LMTK2: variants seen among roughly 807,000 people sequenced by gnomAD.
The protein encoded by LMTK2 is serine/threonine-protein kinase LMTK2.
In LMTK2, 37 loss-of-function variants were observed where a neutral mutation model predicts 127.5. The ratio of observed to expected loss-of-function variants is 0.29; its 90% CI spans 0.22 to 0.38. The LOEUF is 0.38. LMTK2 is among the 10% of genes least tolerant of loss of function. The pLI, the probability that LMTK2 is intolerant of heterozygous loss-of-function variation, is 1.00. For missense variants in LMTK2, 1,694 were observed against 1,920.3 expected (o/e 0.88, Z 2.20); for synonymous variants, 819 against 810.1 (o/e 1.01, Z -0.19).
chr7:98,121,439 C>T (rs552079703), intron 1 of LMTK2, among the ~76,000 whole-genome samples: 2 of 149,408 alleles, frequency 1.3e-5, no homozygotes, highest in African/African-American at 2.5e-5. Flanking sequence ...CCATCCTGGC[C>T]AACATGGTGA....
intron 13 of LMTK2, among the ~76,000 whole-genome samples, chr7:98,204,480 T>C (rs1434272797): frequency 6.6e-6 from 1 of 151,656 alleles, no homozygotes; most frequent in Non-Finnish European, 1.5e-5. Context: ...ACTAAAAAAT[T>C]AGCTGGATGT....
intron 2 of LMTK2, among the ~76,000 whole-genome samples, chr7:98,138,709 A>C (rs1203149419): frequency 6.6e-6 from 1 of 152,214 alleles, no homozygotes; most frequent in African/African-American, 2.4e-5. Context: ...CAGGACAAAG[A>C]TAAAGCCTGA....
At chr7:98,157,290 TAG>T (rs1351156910) in intron 5 of LMTK2, among the ~76,000 whole-genome samples, 3 of 150,140 alleles carry the variant, frequency 2.0e-5, no homozygotes, top group Non-Finnish European at 3.0e-5. Context: ...GGTAGGTAGG[TAG>T]GTAGGTAGAT....
intron 3 of LMTK2, among the ~76,000 whole-genome samples, chr7:98,144,881 C>T (rs914503865): frequency 6.6e-6 from 1 of 151,812 alleles, no homozygotes; most frequent in Non-Finnish European, 1.5e-5. Flanking sequence ...TAGGTTCGTA[C>T]TATGTAGATT....
chr7:98,155,483 C>G (rs1796913966), intron 5 of LMTK2, among the ~76,000 whole-genome samples: 1 of 152,098 alleles, frequency 6.6e-6, no homozygotes, highest in Non-Finnish European at 1.5e-5. Context: ...CCAAGGAAAT[C>G]CATGCCAAGA....
chr7:98,171,009 G>A lies in LMTK2; in HGVS notation c.658-532G>A, dbSNP rs2116422752. On this transcript the variant is annotated intron_variant, in intron 6 of 13. Coordinates refer to ENST00000297293, the MANE Select transcript of LMTK2 (RefSeq NM_014916.4). The surrounding 1 kb of genome is among the most constrained non-coding windows in gnomAD (Gnocchi z 5.1). ...CCGTCTCAGGATAGCCCAGGGTCCT[G>A]GGGAAGCTGGGGGAGACCTGAAACA... 6.6e-6 allele frequency among the ~76,000 whole-genome samples: 1 copy of A among 152,258 alleles called. No individual in the cohort carries two copies. The highest frequency in any genetic ancestry group is 1.9e-4 in the East Asian group (1 of 5,170).
chr7:98,201,683 C>T (rs1321287059), intron 11 of LMTK2, among the ~76,000 whole-genome samples: 13 of 152,112 alleles, frequency 8.5e-5, no homozygotes, highest in Non-Finnish European at 8.8e-5. Context: ...GATCATAGGT[C>T]ACTGCACCCT....
At position 98,205,628 on chromosome 7, in the gene LMTK2, G is replaced by A. The variant is rs952397435; in HGVS notation, c.*136G>A. ...GAGGAAGAATCCAGAGGTGAAGAGGGAGACGGCTCTTAGCTGCGTTCAAGG... is the reference window on the plus strand; with the variant it reads ...GAGGAAGAATCCAGAGGTGAAGAGGAAGACGGCTCTTAGCTGCGTTCAAGG... On this transcript the variant is annotated 3_prime_UTR_variant, in exon 14 of 14. Transcript: ENST00000297293. 4.3e-5 allele frequency: 41 copies of A among 959,528 alleles called. No homozygotes were observed. The African/African-American group carries it at 4.8e-4, about 11-fold the overall frequency. 59.4% of individuals were successfully genotyped at this position (959,528 alleles called of 1,614,324 possible). A position where few individuals can be genotyped will look rare whatever the true frequency, so the allele number is the denominator to read the frequency against.
In LMTK2 at chr7:98,191,671, T is replaced by C. The variant is rs144878389; in HGVS notation, c.1206T>C (p.Asp402=). ...LSPEKRPAAE[D]VHRLLTYLRL... ...CAGAAAAGAGACCCGCGGCTGAAGA[T>C]GTGCACAGGCTGCTGACTTACCTGC... Residue 402 remains aspartate, a synonymous_variant, in exon 11 of 14, where the codon GAT becomes GAC. Transcript: ENST00000297293. 62 of 1,613,882 alleles carry C rather than the reference T, an allele frequency of 3.8e-5. No individual in the cohort carries two copies. In the African/African-American group the frequency reaches 7.2e-4, roughly 19 times the overall value.
Position 98,193,440 on chromosome 7 carries a change from C to T in LMTK2, c.2975C>T (p.Pro992Leu), listed in dbSNP as rs534954208. 6 of 1,614,032 alleles carry T rather than the reference C, an allele frequency of 3.7e-6. No individual in the cohort carries two copies. The highest frequency in any genetic ancestry group is 3.4e-6 in the Non-Finnish European group (4 of 1,180,028). The change falls in exon 11 of 14, where the codon CCG (proline) becomes CTG (leucine). Residue 992 changes from proline to leucine, a missense_variant. Physicochemically the swap from Pro to Leu is moderately conservative, Grantham distance 98. Coordinates refer to ENST00000297293, the MANE Select transcript of LMTK2 (RefSeq NM_014916.4). The surrounding 1 kb of genome is among the most constrained non-coding windows in gnomAD (Gnocchi z 4.1). ...SLSAPFPASEPSLETPDSLES... is the reference protein window; with the variant it reads ...SLSAPFPASELSLETPDSLES... ...TCAGCACCCTTCCCAGCCTCTGAGC[C>T]GTCCCTGGAAACCCCGGACTCTCTG...
At chr7:98,150,629 G>C (rs1389114175) in intron 3 of LMTK2, among the ~76,000 whole-genome samples, 1 of 152,222 alleles carries the variant, frequency 6.6e-6, no homozygotes, top group African/African-American at 2.4e-5. Flanking sequence ...TTGTGAATAA[G>C]CAAGCAAGCT....
chr7:98,142,608 G>A (rs1303013278), intron 3 of LMTK2, among the ~76,000 whole-genome samples: 2 of 152,154 alleles, frequency 1.3e-5, no homozygotes, highest in African/African-American at 4.8e-5. Flanking sequence ...GAAAAACCTG[G>A]AGAGACTTCT....
At chr7:98,135,889 A>C (rs1199025299) in intron 1 of LMTK2, among the ~76,000 whole-genome samples, 1 of 151,818 alleles carries the variant, frequency 6.6e-6, no homozygotes, top group African/African-American at 2.4e-5. Context: ...ACAGCCCCTT[A>C]AAGATGTAGA....
At chr7:98,159,060 G>A (rs79591935) in intron 5 of LMTK2, among the ~76,000 whole-genome samples, 1 of 151,640 alleles carries the variant, frequency 6.6e-6, no homozygotes, top group East Asian at 1.9e-4. Flanking sequence ...CCTGTCTCTT[G>A]AAAAAAAATT....
intron 3 of LMTK2, among the ~76,000 whole-genome samples, chr7:98,143,978 G>A (rs981427173): frequency 6.6e-6 from 1 of 152,114 alleles, no homozygotes; most frequent in African/African-American, 2.4e-5. Flanking sequence ...ATTTGACTAC[G>A]AAAGATATTT....
chr7:98,116,664 T>C (rs1227294355), intron 1 of LMTK2, among the ~76,000 whole-genome samples: 1 of 152,230 alleles, frequency 6.6e-6, no homozygotes, highest in Non-Finnish European at 1.5e-5. Context: ...TCCCTGTTGT[T>C]AACATCCTAT....
chr7:98,141,578 T>C (rs751380360), intron 3 of LMTK2, 37 bp downstream of exon 3: 1 of 1,593,282 alleles, frequency 6.3e-7, no homozygotes, highest in Non-Finnish European at 8.6e-7. Context: ...TTTTCATGAA[T>C]TGTTTCTGAG....
intron 6 of LMTK2, among the ~76,000 whole-genome samples, chr7:98,169,611 T>G (rs527921701): frequency 6.6e-6 from 1 of 152,318 alleles, no homozygotes; most frequent in African/African-American, 2.4e-5. Context: ...ATTGGTAATG[T>G]AGATAGACTT....
intron 9 of LMTK2, among the ~76,000 whole-genome samples, chr7:98,189,375 G>A (rs1797486278): frequency 6.6e-6 from 1 of 152,138 alleles, no homozygotes; most frequent in Non-Finnish European, 1.5e-5. Context: ...CCTTTGATGG[G>A]CTCTGGTGCT....
Sources: allele counts gnomAD v4.1 joint callset (sites outside exome capture counted in the v4.1 genomes callset), GRCh38; gene constraint gnomAD v4.1.1; non-coding constraint Gnocchi (gnomAD v3.1); transcripts MANE v1.5; gene names NCBI Gene and HGNC (gene_info 2026-07-23, HGNC 2026-07-21).